Variants in KIF1B observed in about 807,000 individuals in gnomAD.
KIF1B encodes kinesin-like protein KIF1B.
Under a neutral mutation model 241.9 loss-of-function variants are expected in KIF1B, and 76 were observed. That is an observed-to-expected ratio of 0.31 (90% CI 0.26 to 0.38). The LOEUF (loss-of-function observed/expected upper bound fraction) is 0.38. KIF1B is among the 10% of genes least tolerant of loss of function. The pLI, the probability that KIF1B is intolerant of heterozygous loss-of-function variation, is 1.00. For missense variants in KIF1B, 1,622 were observed against 2,271.4 expected (o/e 0.71, Z 5.81); for synonymous variants, 750 against 796.7 (o/e 0.94, Z 0.99).
chr1:10,268,439 G>GTC (rs1648590379), intron 7 of KIF1B, among the ~76,000 whole-genome samples, 176 bp downstream of exon 7: 1 of 152,082 alleles, frequency 6.6e-6, no homozygotes, highest in Non-Finnish European at 1.5e-5. Flanking sequence ...CCAGTTTTCT[G>GTC]TATAGGTTCT....
chr1:10,372,536 G>A (rs934488999), intron 45 of KIF1B, among the ~76,000 whole-genome samples: 3 of 150,948 alleles, frequency 2.0e-5, no homozygotes, highest in African/African-American at 7.3e-5. Flanking sequence ...AAATCAGCCA[G>A]GCATAGGGGC....
chr1:10,315,390 G>T (rs1651260231), intron 22 of KIF1B, among the ~76,000 whole-genome samples: 1 of 150,742 alleles, frequency 6.6e-6, no homozygotes, highest in African/African-American at 2.5e-5. Flanking sequence ...TGGCCAGGCT[G>T]GTCTTGAACT....
intron 34 of KIF1B, among the ~76,000 whole-genome samples, chr1:10,343,686 A>T (rs1276732667): frequency 1.3e-5 from 2 of 152,170 alleles, no homozygotes; most frequent in African/African-American, 4.8e-5. Context: ...TGAACCGGGG[A>T]GGTGGAGGTT....
At chr1:10,321,165 G>T (rs185847544) in intron 23 of KIF1B, among the ~76,000 whole-genome samples, 29 of 150,996 alleles carry the variant, frequency 1.9e-4, no homozygotes, top group Admixed American at 8.6e-4. Context: ...GTGCAGTGGT[G>T]CAGTCTTGGC....
chr1:10,215,180 T>A (rs1433868156), intron 1 of KIF1B, among the ~76,000 whole-genome samples: 11 of 121,334 alleles, frequency 9.1e-5, no homozygotes, highest in African/African-American at 3.4e-4. Flanking sequence ...ATATTTTTTT[T>A]TTTTTTTTTT....
At chr1:10,362,413 T>C (rs116585248) in intron 40 of KIF1B, among the ~76,000 whole-genome samples, 2,881 of 150,942 alleles carry the variant, frequency 0.019, 42 homozygotes, top group Non-Finnish European at 0.028. Context: ...GAGGTTGAGG[T>C]TGCAGTGAGC....
chr1:10,342,161 C>G lies in KIF1B; in HGVS notation c.3625C>G (p.Leu1209Val), dbSNP rs1320246121. Reference protein sequence around the residue: ...QHPLHLQGQELNSPPQPCRRF... With the variant: ...QHPLHLQGQEVNSPPQPCRRF... ...CCCACTTCATCTGCAAGGACAGGAG[C>G]TTAACAGGTTTGGACCAGATAAGCA... The change falls in exon 33 of 49, where the codon CTT (leucine) becomes GTT (valine). Residue 1209 changes from leucine (L) to valine (V), a missense_variant. Physicochemically the swap from Leu to Val is conservative, Grantham distance 32. Coordinates refer to ENST00000676179, the MANE Select transcript of KIF1B (RefSeq NM_001365951.3). The G allele has an allele frequency of 1.3e-5, 20 of 1,597,594 alleles. No homozygotes were observed. Among genetic ancestry groups the G allele is most frequent in the Middle Eastern group, 1.7e-4 (1 of 6,030 alleles).
In KIF1B at chr1:10,267,517, C is replaced by T. The variant is rs748370435; in HGVS notation, c.567C>T (p.Tyr189=). The T allele has an allele frequency of 1.9e-6, 3 of 1,614,190 alleles. No homozygotes were observed. Among genetic ancestry groups the T allele is most frequent in the Non-Finnish European group, 2.5e-6 (3 of 1,180,022 alleles). ...EDLSKLAVTS[Y]TDIADLMDAG... is the part of the protein sequence containing the mutation. ...TGTCCAAGTTGGCAGTTACTTCCTA[C>T]ACAGACATTGCTGACCTCATGGATG... is the stretch of plus-strand genomic sequence containing the variant. The change falls in exon 6 of 49, where the codon TAC becomes TAT. Residue 189 remains tyrosine (Y), a synonymous_variant. Coordinates refer to ENST00000676179, the MANE Select transcript of KIF1B (RefSeq NM_001365951.3).
Position 10,275,444 on chromosome 1 carries a change from A to G in KIF1B, c.899A>G (p.Lys300Arg), listed in dbSNP as rs373698346. ...CTTTAATAGAGTAAAAAGAAGAAGA[A>G]AACAGATTTTATTCCCTACAGGGAT... ...NCTSKSKKKK[K>R]TDFIPYRDSV... is the part of the protein sequence containing the mutation. The change falls in exon 11 of 49, where the codon AAA becomes AGA. Residue 300 changes from lysine to arginine, a missense_variant. Lys to Arg is a conservative substitution (Grantham distance 26). Around this residue, in one of 7 missense-constraint regions of KIF1B, gnomAD observed 201 missense variants for 301.2 expected, o/e 0.67. Coordinates refer to ENST00000676179, the MANE Select transcript of KIF1B (RefSeq NM_001365951.3). The G allele has an allele frequency of 1.3e-4, 212 of 1,585,132 alleles. 3 individuals carry two copies. Among genetic ancestry groups the G allele is most frequent in the South Asian group, 8.8e-4 (80 of 90,458 alleles).
intron 8 of KIF1B, 33 bp downstream of exon 8, chr1:10,271,612 A>G (rs1648803008): frequency 1.5e-6 from 2 of 1,359,846 alleles, no homozygotes; most frequent in East Asian, 2.3e-5. Flanking sequence ...GGCCTGATCA[A>G]TAAATGGCCA....
intron 1 of KIF1B, among the ~76,000 whole-genome samples, chr1:10,213,225 C>G (rs1390977971): frequency 2.6e-5 from 4 of 151,958 alleles, no homozygotes. Context: ...TTGGTAAAAT[C>G]AGACCTGATT....
chr1:10,364,683 C>A (rs113046395), intron 41 of KIF1B, among the ~76,000 whole-genome samples: 12 of 152,098 alleles, frequency 7.9e-5, no homozygotes, highest in Admixed American at 7.2e-4. Context: ...ATCTTCAGAC[C>A]AAACTGTCTT....
At chr1:10,358,683 C>CTAA (rs1638325935) in intron 38 of KIF1B, among the ~76,000 whole-genome samples, 1 of 79,306 alleles carries the variant, frequency 1.3e-5, no homozygotes, top group Non-Finnish European at 2.9e-5. Flanking sequence ...GACTCTGTCT[C>CTAA]AAAAAAAAAA....
chr1:10,303,033 T>C lies in KIF1B; in HGVS notation c.2115+5787T>C, dbSNP rs539773446. 9.0e-7 allele frequency: 1 copy of C among 1,110,624 alleles called. No homozygotes were observed. The highest frequency in any genetic ancestry group is 2.6e-5 in the East Asian group (1 of 38,798). The allele number at this position is 1,110,624 out of a possible 1,614,324, so 68.8% of individuals were successfully genotyped here. On this transcript the variant is annotated intron_variant, in intron 22 of 48. Transcript: ENST00000676179. The surrounding 1 kb of genome is among the most constrained non-coding windows in gnomAD (Gnocchi z 5.2). ...TTTTTTTTGGTTTTGTTTTGTTTTTTAGTTTTTTTGGTCTTATTTTTAAAT... is the reference window on the plus strand; with the variant it reads ...TTTTTTTTGGTTTTGTTTTGTTTTTCAGTTTTTTTGGTCTTATTTTTAAAT...
At chr1:10,357,167 A>G (rs1334890424) in intron 38 of KIF1B, among the ~76,000 whole-genome samples, 1 of 152,196 alleles carries the variant, frequency 6.6e-6, no homozygotes, top group African/African-American at 2.4e-5. Flanking sequence ...GGTGTGAGCT[A>G]CCACAACTGA....
intron 43 of KIF1B, among the ~76,000 whole-genome samples, chr1:10,367,739 T>G (rs183214271): frequency 1.0e-3 from 158 of 151,732 alleles, no homozygotes; most frequent in Middle Eastern, 0.01. Context: ...TTGTTTGTTT[T>G]TTGGAGAGGG....
chr1:10,320,026 CCTTT>C lies in KIF1B; in HGVS notation c.2116-12_2116-9del. On this transcript the variant is annotated splice_polypyrimidine_tract_variant and intron_variant, in intron 22 of 48. Coordinates refer to ENST00000676179, the MANE Select transcript of KIF1B (RefSeq NM_001365951.3). ...TTCTTCCCTCTCCTACATGTTATCT[CCTTT>C]CTTTTCATTCAGGACTATGAGAGTA... 1 of 1,565,170 alleles carries C rather than the reference CCTTT, an allele frequency of 6.4e-7. No homozygotes were observed. The highest frequency in any genetic ancestry group is 8.8e-7 in the Non-Finnish European group (1 of 1,136,200).
rs1382873862 is a variant in KIF1B, at chr1:10,365,193, G to T, written c.4460G>T (p.Ser1487Ile). ...NLAGWRPRGD[S>I]LILEHQWELE... is the part of the protein sequence containing the mutation. Reference sequence around the variant, plus strand: ...GCAGGCTGGCGGCCCCGTGGAGACAGCCTCATCCTTGAGCACCAGTGGGAG... The same window carrying T: ...GCAGGCTGGCGGCCCCGTGGAGACATCCTCATCCTTGAGCACCAGTGGGAG... Residue 1487 changes from serine to isoleucine, a missense_variant, in exon 42 of 49, where the codon AGC (serine) becomes ATC (isoleucine). By Grantham distance (142) the Ser-to-Ile change is moderately radical. Coordinates refer to ENST00000676179, the MANE Select transcript of KIF1B (RefSeq NM_001365951.3). The surrounding 1 kb of genome is among the most constrained non-coding windows in gnomAD (Gnocchi z 4.0). 1 of 1,614,066 alleles carries T rather than the reference G, an allele frequency of 6.2e-7. No individual in the cohort carries two copies. The highest frequency in any genetic ancestry group is 8.5e-7 in the Non-Finnish European group (1 of 1,180,016).
Position 10,303,732 on chromosome 1 carries a change from T to C in KIF1B, c.2115+6486T>C. ...ACGAGGAGATAAAAGTCTTAAGAAATAAAATGCTCAAAATGGAAAAAGTCT... is the reference window on the plus strand; with the variant it reads ...ACGAGGAGATAAAAGTCTTAAGAAACAAAATGCTCAAAATGGAAAAAGTCT... On this transcript the variant is annotated intron_variant, in intron 22 of 48. Coordinates refer to ENST00000676179, the MANE Select transcript of KIF1B (RefSeq NM_001365951.3). This position sits in a 1 kb window ranked among gnomAD's most constrained non-coding sequence, Gnocchi z 5.2. 2 of 1,613,952 alleles carry C rather than the reference T, an allele frequency of 1.2e-6. No individual in the cohort carries two copies. Among genetic ancestry groups the C allele is most frequent in the South Asian group, 2.2e-5 (2 of 91,078 alleles).
Sources: gnomAD v4.1 joint callset for allele counts (sites outside exome capture counted in the v4.1 genomes callset) on GRCh38, gnomAD v4.1.1 for gene constraint, gnomAD v4.1.1 regional missense constraint, Gnocchi (gnomAD v3.1) non-coding constraint, MANE v1.5 for transcripts, NCBI Gene and HGNC (gene_info 2026-07-23, HGNC 2026-07-21) for gene names.